The following CPEB3 variants were observed in gnomAD, a reference collection of about 807,000 sequenced individuals.
CPEB3 encodes the protein cytoplasmic polyadenylation element binding protein 3, also known as cytoplasmic polyadenylation element-binding protein 3.
Under a neutral mutation model 67.2 loss-of-function variants are expected in CPEB3, and 20 were observed. That is an observed-to-expected ratio of 0.30 (90% CI 0.21 to 0.43). The LOEUF (loss-of-function observed/expected upper bound fraction) is 0.43. Ranked by LOEUF, CPEB3 falls within the 20% of genes least tolerant of loss-of-function variation. The pLI is 1.00. For missense variants in CPEB3, 746 were observed against 968.6 expected (o/e 0.77, Z 3.05); for synonymous variants, 376 against 393.1 (o/e 0.96, Z 0.51).
In CPEB3 at chr10:92,240,146, C is replaced by A; in HGVS notation, c.205G>T (p.Asp69Tyr). ...AGCGGTGATTCCATCTGCATCTTGT[C>A]CGGGCCGTTGGGGGCCGGGGGGGCA... ...AAAPPAPNGP[D>Y]KMQMESPLLP... Residue 69 changes from aspartate to tyrosine, a missense_variant, in exon 2 of 10, where the codon GAC (aspartate) becomes TAC (tyrosine). Asp to Tyr is a radical substitution (Grantham distance 160, BLOSUM62 -3). Around this residue, in one of 2 missense-constraint regions of CPEB3, gnomAD observed 643 missense variants for 717.5 expected, o/e 0.90. Transcript: ENST00000265997. The A allele has an allele frequency of 6.4e-7, 1 of 1,563,706 alleles. No individual in the cohort carries two copies. Among genetic ancestry groups the A allele is most frequent in the Admixed American group, 1.9e-5 (1 of 52,550 alleles).
At chr10:92,179,456 T>C (rs1165135768) in intron 4 of CPEB3, among the ~76,000 whole-genome samples, 1 of 152,208 alleles carries the variant, frequency 6.6e-6, no homozygotes, top group African/African-American at 2.4e-5. Flanking sequence ...CACACTACCA[T>C]ACTGTTCTTT....
Position 92,056,299 on chromosome 10 carries a change from A to T in CPEB3, c.1870-3860T>A, listed in dbSNP as rs1425099973. Among the ~76,000 whole-genome samples the T allele has an allele frequency of 2.0e-5, 3 of 152,204 alleles. No individual in the cohort carries two copies. In the East Asian group the frequency reaches 5.8e-4, roughly 29 times the overall value. On this transcript the variant is annotated intron_variant, in intron 9 of 9. Transcript: ENST00000265997. ...AGCAACAGTCAAACAGTATTTCTGG[A>T]CTGAAATCAACAGAAGACAGGCAGA... is the stretch of plus-strand genomic sequence containing the variant.
rs1265922426 is a variant in CPEB3 at position 92,052,114 on chromosome 10, T to C, written c.*98A>G. The C allele has an allele frequency of 1.4e-6, 1 of 710,512 alleles. No homozygotes were observed. Among genetic ancestry groups the C allele is most frequent in the Non-Finnish European group, 2.4e-6 (1 of 416,514 alleles). The allele number at this position is 710,512 out of a possible 1,614,324, so 44.0% of individuals were successfully genotyped here. On this transcript the variant is annotated 3_prime_UTR_variant, in exon 10 of 10. Transcript: ENST00000265997. ...TTCTTCTTTAAAAATCGAGAACGAA[T>C]GCACAGATTTCCAGAACACTGTAAG...
chr10:92,095,447 A>T (rs1356722362), intron 7 of CPEB3, among the ~76,000 whole-genome samples: 4 of 151,870 alleles, frequency 2.6e-5, no homozygotes, highest in African/African-American at 9.7e-5. Context: ...GAAAAGTTGC[A>T]CTCACACTCT....
chr10:92,056,376 C>A (rs1484203631), intron 9 of CPEB3, among the ~76,000 whole-genome samples: 1 of 152,004 alleles, frequency 6.6e-6, no homozygotes, highest in Non-Finnish European at 1.5e-5. Flanking sequence ...CCGACCCATG[C>A]CCCACAAGAA....
At chr10:92,165,101 T>C (rs1443321234) in intron 4 of CPEB3, among the ~76,000 whole-genome samples, 1 of 152,148 alleles carries the variant, frequency 6.6e-6, no homozygotes, top group Non-Finnish European at 1.5e-5. Context: ...GTCTATTAAG[T>C]GCACAGTAGC....
Position 92,141,397 on chromosome 10 carries a change from T to C in CPEB3, c.1453+1632A>G, listed in dbSNP as rs1019714055. On this transcript the variant is annotated intron_variant, in intron 6 of 9. Coordinates refer to ENST00000265997, the MANE Select transcript of CPEB3 (RefSeq NM_014912.5). The stretch of plus-strand genomic sequence containing the variant: ...ATCACAAGGACAAAAAACCAAACAC[T>C]GCATGTTCTCACTCATAGGTGGGAA... Among the ~76,000 whole-genome samples the C allele has an allele frequency of 1.5e-3, 231 of 149,912 alleles. 2 individuals carry two copies. The highest frequency in any genetic ancestry group is 4.9e-3 in the African/African-American group (198 of 40,666).
intron 3 of CPEB3, among the ~76,000 whole-genome samples, chr10:92,190,079 A>C (rs929973705): frequency 6.6e-6 from 1 of 151,904 alleles, no homozygotes; most frequent in African/African-American, 2.4e-5. Flanking sequence ...GAAGTTCGAG[A>C]CCAGCCTGGC....
At chr10:92,110,911 T>G (rs1195529696) in intron 7 of CPEB3, among the ~76,000 whole-genome samples, 165 bp downstream of exon 7, 2 of 152,224 alleles carry the variant, frequency 1.3e-5, no homozygotes, top group Non-Finnish European at 2.9e-5. Context: ...AGTAATTTGT[T>G]GTTAGTTTCC....
chr10:92,160,941 G>A (rs1252153192), intron 4 of CPEB3, among the ~76,000 whole-genome samples: 3 of 152,222 alleles, frequency 2.0e-5, no homozygotes, highest in African/African-American at 7.2e-5. Context: ...AAAAGCTGGA[G>A]TGCAGTGGCA....
intron 6 of CPEB3, among the ~76,000 whole-genome samples, chr10:92,138,920 T>A (rs1368552342): frequency 6.6e-6 from 1 of 152,176 alleles, no homozygotes; most frequent in Non-Finnish European, 1.5e-5. Context: ...TGCAGCACTA[T>A]TCACAATAGC....
rs548014159 is a variant in CPEB3, at chr10:92,212,563, C to T, written c.1006-19927G>A. ...TTTGCCCAGCCTAAAACAATATATCCTCATTGTCCAATATAGTAGCCACTA... is the reference window on the plus strand; with the variant it reads ...TTTGCCCAGCCTAAAACAATATATCTTCATTGTCCAATATAGTAGCCACTA... On this transcript the variant is annotated intron_variant, in intron 2 of 9. Transcript: ENST00000265997. Among the ~76,000 whole-genome samples the T allele has an allele frequency of 2.0e-5, 3 of 152,070 alleles. No individual in the cohort carries two copies. In the South Asian group the frequency reaches 6.2e-4, roughly 32 times the overall value.
intron 1 of CPEB3, among the ~76,000 whole-genome samples, chr10:92,253,280 T>C (rs1021970628): frequency 6.6e-6 from 1 of 151,516 alleles, no homozygotes; most frequent in African/African-American, 2.4e-5. Context: ...GCCAACATGG[T>C]GAAATGCCAT....
Position 92,085,351 on chromosome 10 carries a change from T to C in CPEB3, c.1688-3850A>G, listed in dbSNP as rs546596025. Among the ~76,000 whole-genome samples the C allele has an allele frequency of 1.2e-4, 18 of 152,294 alleles. No homozygotes were observed. In the South Asian group the frequency reaches 3.7e-3, roughly 32 times the overall value. On this transcript the variant is annotated intron_variant, in intron 8 of 9. Transcript: ENST00000265997. ...AGGGTATACCATACTTTGGACAAGA[T>C]GCTCTGTGATCCTAAGACAACTTAA...
intron 6 of CPEB3, among the ~76,000 whole-genome samples, chr10:92,129,248 A>G (rs1430276682): frequency 6.6e-6 from 1 of 152,188 alleles, no homozygotes; most frequent in Non-Finnish European, 1.5e-5. Context: ...AGAAAACCAA[A>G]TACCACATGT....
At chr10:92,075,588 A>C (rs951882233) in intron 9 of CPEB3, among the ~76,000 whole-genome samples, 1 of 152,238 alleles carries the variant, frequency 6.6e-6, no homozygotes, top group Non-Finnish European at 1.5e-5. Context: ...AACAACAACA[A>C]AAACACCTCT....
intron 9 of CPEB3, among the ~76,000 whole-genome samples, chr10:92,056,650 T>A (rs1437309535): frequency 6.6e-6 from 1 of 152,094 alleles, no homozygotes; most frequent in Non-Finnish European, 1.5e-5. Context: ...TGAAAGTCCG[T>A]CTAGGCCATA....
chr10:92,189,748 C>G (rs796179574), intron 3 of CPEB3, among the ~76,000 whole-genome samples: 1 of 119,970 alleles, frequency 8.3e-6, no homozygotes, highest in Non-Finnish European at 1.6e-5. Context: ...CTCGCTCTGT[C>G]GCCAGGCTGC....
At position 92,254,647 on chromosome 10, in the gene CPEB3, G is replaced by A. The variant is rs930794540; in HGVS notation, c.-11-14286C>T. On this transcript the variant is annotated intron_variant, in intron 1 of 9. Coordinates refer to ENST00000265997, the MANE Select transcript of CPEB3 (RefSeq NM_014912.5). ...TTTACCTCCCTTTTTTATAGACCTT[G>A]TCTCTAACATTTTTCTTTTTATACA... 3.3e-5 allele frequency among the ~76,000 whole-genome samples: 5 copies of A among 151,926 alleles called. No individual in the cohort carries two copies. The South Asian group carries it at 6.2e-4, about 19-fold the overall frequency.
Sources: gnomAD v4.1 joint callset for allele counts (sites outside exome capture counted in the v4.1 genomes callset) on GRCh38, gnomAD v4.1.1 for gene constraint, gnomAD v4.1.1 regional missense constraint, MANE v1.5 for transcripts, NCBI Gene and HGNC (gene_info 2026-07-23, HGNC 2026-07-21) for gene names.